RPS6KA5: variants seen among roughly 807,000 people sequenced by gnomAD.
The protein encoded by RPS6KA5 is ribosomal protein S6 kinase A5, also known as ribosomal protein S6 kinase alpha-5.
A neutral mutation model predicts 85.5 loss-of-function variants in RPS6KA5; 27 were observed. The ratio of observed to expected loss-of-function variants is 0.32; its 90% confidence interval spans 0.23 to 0.44. RPS6KA5 has a LOEUF of 0.44. Among genes scored for constraint, RPS6KA5 ranks in the 20% least tolerant of loss-of-function variants. The probability of loss-of-function intolerance (pLI) is 1.00; values close to 1 mark genes in which losing one functional copy is unlikely to be tolerated. For synonymous variants in RPS6KA5, 334 were observed against 348.2 expected (o/e 0.96, Z 0.46); for missense variants, 811 against 980.9 (o/e 0.83, Z 2.31).
At chr14:91,040,246 T>A (rs956165202) in intron 1 of RPS6KA5, among the ~76,000 whole-genome samples, 1 of 152,100 alleles carries the variant, frequency 6.6e-6, no homozygotes, top group Non-Finnish European at 1.5e-5. Context: ...CCATCTTTAC[T>A]AAAAATACAA....
intron 1 of RPS6KA5, among the ~76,000 whole-genome samples, chr14:91,004,506 C>T (rs1442771773): frequency 6.6e-6 from 1 of 152,100 alleles, no homozygotes; most frequent in Admixed American, 6.5e-5. Flanking sequence ...TGTCTTTGCT[C>T]AAAGGAAAAA....
chr14:90,994,007 G>A (rs984736460), intron 2 of RPS6KA5, among the ~76,000 whole-genome samples: 2 of 151,578 alleles, frequency 1.3e-5, no homozygotes, highest in African/African-American at 4.9e-5. Flanking sequence ...TCTCACCTCA[G>A]CCTCCTGAAT....
At position 91,034,685 on chromosome 14, in the gene RPS6KA5, G is replaced by A. The variant is rs985114655; in HGVS notation, c.103+25647C>T. 2.6e-4 allele frequency among the ~76,000 whole-genome samples: 39 copies of A among 152,324 alleles called. 1 individual carries two copies. Among genetic ancestry groups the A allele is most frequent in the East Asian group, 1.5e-3 (8 of 5,192 alleles). On this transcript the variant is annotated intron_variant, in intron 1 of 16. Transcript: ENST00000614987. ...ACCTGCTCGGGTCCCCTTTCACGCT[G>A]TGGAAGCCTTGTTCTTTCACTCTTC...
At chr14:90,959,634 C>T (rs558245594) in intron 3 of RPS6KA5, among the ~76,000 whole-genome samples, 1 of 152,276 alleles carries the variant, frequency 6.6e-6, no homozygotes, top group African/African-American at 2.4e-5. Flanking sequence ...ACTAATAGTA[C>T]AAGCTAAATA....
At chr14:90,966,893 A>T (rs1432049982) in intron 3 of RPS6KA5, among the ~76,000 whole-genome samples, 1 of 152,260 alleles carries the variant, frequency 6.6e-6, no homozygotes, top group Non-Finnish European at 1.5e-5. Flanking sequence ...TGGTAATAAC[A>T]GTAAGAACAT....
chr14:90,920,165 T>C (rs754894137), intron 7 of RPS6KA5, 41 bp downstream of exon 7: 3 of 1,244,232 alleles, frequency 2.4e-6, no homozygotes, highest in South Asian at 2.4e-5. Flanking sequence ...ATCAGTTCCT[T>C]TGAGAAAACA....
intron 1 of RPS6KA5, among the ~76,000 whole-genome samples, chr14:91,025,062 G>T: frequency 6.7e-6 from 1 of 149,830 alleles, no homozygotes; most frequent in African/African-American, 2.5e-5. Flanking sequence ...TTTTTTTAGG[G>T]GGGATGGAGT....
intron 4 of RPS6KA5, among the ~76,000 whole-genome samples, chr14:90,945,440 A>T (rs1354734338): frequency 6.6e-6 from 1 of 152,242 alleles, no homozygotes; most frequent in Non-Finnish European, 1.5e-5. Context: ...AAGATTTTAG[A>T]AACAAATAAT....
chr14:90,938,793 G>A (rs1436256282), intron 5 of RPS6KA5, among the ~76,000 whole-genome samples: 1 of 152,180 alleles, frequency 6.6e-6, no homozygotes, highest in African/African-American at 2.4e-5. Flanking sequence ...GAGGCCCTGT[G>A]CCCGGCCCAG....
intron 5 of RPS6KA5, among the ~76,000 whole-genome samples, chr14:90,924,968 C>T (rs1292749791): frequency 6.6e-6 from 1 of 152,198 alleles, no homozygotes; most frequent in African/African-American, 2.4e-5. Context: ...TCAATGAAAA[C>T]AGGTTTTTTT....
intron 3 of RPS6KA5, among the ~76,000 whole-genome samples, chr14:90,963,503 A>G (rs543362089): frequency 1.3e-5 from 2 of 152,174 alleles, no homozygotes; most frequent in Non-Finnish European, 2.9e-5. Context: ...CAACTCCATC[A>G]TTCCTCTATG....
intron 1 of RPS6KA5, among the ~76,000 whole-genome samples, chr14:91,014,159 G>T (rs2139758905): frequency 6.6e-6 from 1 of 152,008 alleles, no homozygotes; most frequent in East Asian, 1.9e-4. Context: ...TAACTCAAAA[G>T]AAAAAATTAG....
intron 3 of RPS6KA5, among the ~76,000 whole-genome samples, chr14:90,957,691 C>G (rs1013037257): frequency 1.2e-4 from 18 of 152,152 alleles, no homozygotes; most frequent in Non-Finnish European, 2.5e-4. Flanking sequence ...CTTTTGAGGA[C>G]AGTGTTTAAA....
At chr14:90,955,153 T>G (rs77056396) in intron 3 of RPS6KA5, among the ~76,000 whole-genome samples, 4,496 of 152,322 alleles carry the variant, frequency 0.03, 76 homozygotes, top group Middle Eastern at 0.054. Flanking sequence ...TCTTTTTATG[T>G]ATCTTAAGGT....
chr14:91,000,810 T>A (rs1023607446), intron 2 of RPS6KA5, among the ~76,000 whole-genome samples: 33 of 148,140 alleles, frequency 2.2e-4, no homozygotes, highest in South Asian at 8.3e-4. Flanking sequence ...TCAAAAAAAA[T>A]AAAATAAAAT....
At chr14:90,980,396 A>G (rs1430378592) in intron 2 of RPS6KA5, among the ~76,000 whole-genome samples, 1 of 152,120 alleles carries the variant, frequency 6.6e-6, no homozygotes, top group African/African-American at 2.4e-5. Context: ...TGCTCTCAAA[A>G]CCAGGAATTC....
chr14:90,895,027 C>T (rs1456804911), intron 12 of RPS6KA5, among the ~76,000 whole-genome samples: 1 of 152,224 alleles, frequency 6.6e-6, no homozygotes, highest in African/African-American at 2.4e-5. Flanking sequence ...CAAGTTTACA[C>T]ATCTTTCTTT....
At chr14:90,952,482 C>T (rs999800570) in intron 3 of RPS6KA5, among the ~76,000 whole-genome samples, 5 of 152,356 alleles carry the variant, frequency 3.3e-5, no homozygotes, top group Middle Eastern at 3.4e-3. Context: ...GGCCTAATTA[C>T]AGTCATTACA....
chr14:90,972,066 T>C (rs1286204563), intron 3 of RPS6KA5, among the ~76,000 whole-genome samples: 1 of 152,322 alleles, frequency 6.6e-6, no homozygotes, highest in South Asian at 2.1e-4. Context: ...GAAACATGGC[T>C]AGGAAGTAAA....
Sources: gnomAD v4.1 joint callset for allele counts (sites outside exome capture counted in the v4.1 genomes callset) on GRCh38, gnomAD v4.1.1 for gene constraint, MANE v1.5 for transcripts, NCBI Gene and HGNC (gene_info 2026-07-23, HGNC 2026-07-21) for gene names.